The following RARA variants were observed in gnomAD, a reference collection of about 807,000 sequenced individuals.
RARA encodes the protein retinoic acid receptor alpha.
A neutral mutation model predicts 42.8 loss-of-function variants in RARA; 5 were observed. The observed-to-expected ratio is 0.12, with a 90% confidence interval of 0.06 to 0.25. The LOEUF (loss-of-function observed/expected upper bound fraction) is 0.25. RARA is among the 10% of genes least tolerant of loss of function. RARA has a pLI of 1.00. For synonymous variants in RARA, 256 were observed against 259.5 expected (o/e 0.99, Z 0.13); for missense variants, 402 against 628.7 (o/e 0.64, Z 3.86).
At chr17:40,327,800 T>C (rs2033586354) in intron 1 of RARA, among the ~76,000 whole-genome samples, 1 of 152,178 alleles carries the variant, frequency 6.6e-6, no homozygotes, top group Admixed American at 6.5e-5. Flanking sequence ...CTGATGAGGT[T>C]CTGCCAGCCT....
chr17:40,312,145 A>G (rs1053391584), intron 1 of RARA, among the ~76,000 whole-genome samples: 8 of 152,196 alleles, frequency 5.3e-5, no homozygotes, highest in African/African-American at 1.4e-4. Flanking sequence ...TTCTGCCCTC[A>G]AAAGACCAGT....
At chr17:40,316,264 C>T (rs1250840347) in intron 1 of RARA, among the ~76,000 whole-genome samples, 1 of 152,220 alleles carries the variant, frequency 6.6e-6, no homozygotes, top group East Asian at 1.9e-4. Flanking sequence ...AATTTCTTCC[C>T]TCATCCACAC....
In RARA at chr17:40,357,022, G is replaced by A. The variant is rs1477391770; in HGVS notation, c.*796G>A. 5 of 387,450 alleles carry A rather than the reference G, an allele frequency of 1.3e-5. No homozygotes were observed. The highest frequency in any genetic ancestry group is 8.4e-5 in the African/African-American group (4 of 47,814). The allele number at this position is 387,450 out of a possible 1,614,324, so 24.0% of individuals were successfully genotyped here. On this transcript the variant is annotated 3_prime_UTR_variant, in exon 9 of 9. Transcript: ENST00000254066. The stretch of plus-strand genomic sequence containing the variant: ...TCCCCTCCCTCCCACTGGAGAAGCC[G>A]CCAGCCCCTTTCTCCCTCTGCCTGA...
At chr17:40,312,200 G>A (rs1383471090) in intron 1 of RARA, among the ~76,000 whole-genome samples, 1 of 152,204 alleles carries the variant, frequency 6.6e-6, no homozygotes. Context: ...AATGTGGTTG[G>A]CACTGATTTG....
chr17:40,319,949 G>A (rs2033329322), intron 1 of RARA, among the ~76,000 whole-genome samples: 1 of 152,198 alleles, frequency 6.6e-6, no homozygotes, highest in Non-Finnish European at 1.5e-5. Flanking sequence ...GTTTGTGGCT[G>A]TGAAAAATGG....
intron 2 of RARA, among the ~76,000 whole-genome samples, chr17:40,334,981 G>T (rs1322229126): frequency 6.6e-6 from 1 of 152,214 alleles, no homozygotes; most frequent in Admixed American, 6.5e-5. Context: ...ACTGGCCCCT[G>T]GGGCTTGGTC....
Position 40,342,294 on chromosome 17 carries a change from CT to C in RARA, c.179-6021del, listed in dbSNP as rs2034085893. 2.8e-6 allele frequency: 3 copies of C among 1,064,820 alleles called. No individual in the cohort carries two copies. In the South Asian group the frequency reaches 1.3e-4, roughly 47 times the overall value. 66.0% of individuals were successfully genotyped at this position (1,064,820 alleles called of 1,614,324 possible). ...CCCTGGAGAAGCCCCGGATCCCCGG[CT>C]GGGAGGAGGAAGTGCTCGTTGACCC... On this transcript the variant is annotated intron_variant, in intron 2 of 8. Transcript: ENST00000254066.
At chr17:40,340,742 T>C (rs923767799) in intron 2 of RARA, 13 of 398,776 alleles carry the variant, frequency 3.3e-5, no homozygotes, top group Middle Eastern at 6.2e-4. Flanking sequence ...GATTATTTGC[T>C]TAATGGCTGT....
chr17:40,327,275 G>T (rs186129862), intron 1 of RARA, among the ~76,000 whole-genome samples: 56 of 152,322 alleles, frequency 3.7e-4, no homozygotes, highest in African/African-American at 1.3e-3. Context: ...ACCCCCAAAG[G>T]CTGGGTCAGG....
Position 40,355,241 on chromosome 17 carries a change from G to T in RARA, c.1013-22G>T, listed in dbSNP as rs2034580471. On this transcript the variant is annotated intron_variant, in intron 7 of 8. Coordinates refer to ENST00000254066, the MANE Select transcript of RARA (RefSeq NM_000964.4). This position sits in a 1 kb window ranked among gnomAD's most constrained non-coding sequence, Gnocchi z 4.1. ...GTGCAGCTGTGTTCCCAGCTGCTCA[G>T]GGGGTGGTTCTGCTTCCTCAGACCG... The T allele has an allele frequency of 1.3e-6, 2 of 1,551,182 alleles. No individual in the cohort carries two copies. Among genetic ancestry groups the T allele is most frequent in the Non-Finnish European group, 8.7e-7 (1 of 1,146,298 alleles).
rs558626078 is a variant in RARA, at chr17:40,352,106, C to T, written c.630+36C>T. The T allele has an allele frequency of 1.3e-6, 2 of 1,516,506 alleles. No homozygotes were observed. Among genetic ancestry groups the T allele is most frequent in the East Asian group, 2.4e-5 (1 of 41,704 alleles). 93.9% of individuals were successfully genotyped at this position (1,516,506 alleles called of 1,614,324 possible). On this transcript the variant is annotated intron_variant, in intron 5 of 8. Coordinates refer to ENST00000254066, the MANE Select transcript of RARA (RefSeq NM_000964.4). This position sits in a 1 kb window ranked among gnomAD's most constrained non-coding sequence, Gnocchi z 4.9. Reference sequence around the variant, plus strand: ...CCCCCGGCCTGCAGGGTGGGATTTGCCCAGGGCCACAGGGCCAGGATGGGC... The same window carrying T: ...CCCCCGGCCTGCAGGGTGGGATTTGTCCAGGGCCACAGGGCCAGGATGGGC...
chr17:40,342,172 C>T lies in RARA; in HGVS notation c.179-6144C>T, dbSNP rs1037984775. 31 of 1,050,854 alleles carry T rather than the reference C, an allele frequency of 2.9e-5. No homozygotes were observed. In the South Asian group the frequency reaches 5.8e-4, roughly 20 times the overall value. The allele number at this position is 1,050,854 out of a possible 1,614,324, so 65.1% of individuals were successfully genotyped here. A position where few individuals can be genotyped will look rare whatever the true frequency, so the allele number is the denominator to read the frequency against. On this transcript the variant is annotated intron_variant, in intron 2 of 8. Coordinates refer to ENST00000254066, the MANE Select transcript of RARA (RefSeq NM_000964.4). ...GGGGTGGGGGGGCCGTGGCGCGTACCACCAGAGACCGAGCGAGTCGCCAGC... is the reference window on the plus strand; with the variant it reads ...GGGGTGGGGGGGCCGTGGCGCGTACTACCAGAGACCGAGCGAGTCGCCAGC...
Position 40,312,961 on chromosome 17 carries a change from C to T in RARA, c.-363+3675C>T, listed in dbSNP as rs183194147. Among the ~76,000 whole-genome samples the T allele has an allele frequency of 2.6e-5, 4 of 152,360 alleles. No individual in the cohort carries two copies. In the East Asian group the frequency reaches 7.7e-4, roughly 29 times the overall value. Reference sequence around the variant, plus strand: ...AGCAAGGAGGACCACGAGCCAGGCACACCTGGTCCATTTTCCCATCTGCTT... The same window carrying T: ...AGCAAGGAGGACCACGAGCCAGGCATACCTGGTCCATTTTCCCATCTGCTT... On this transcript the variant is annotated intron_variant, in intron 1 of 8. Transcript: ENST00000254066.
rs553611321 is a variant in RARA, at chr17:40,351,857, C to T, written c.470-53C>T. ...AGCTCTCTGTCAGGCTGGGGGTGGA[C>T]GAGGCCCTGAGCAGCCTGCAGCTGC... On this transcript the variant is annotated intron_variant, in intron 4 of 8. Transcript: ENST00000254066. The surrounding 1 kb of genome is among the most constrained non-coding windows in gnomAD (Gnocchi z 4.1). The T allele has an allele frequency of 6.1e-4, 955 of 1,574,838 alleles. 1 individual carries two copies. Among genetic ancestry groups the T allele is most frequent in the Non-Finnish European group, 7.4e-4 (870 of 1,168,406 alleles).
intron 2 of RARA, chr17:40,341,128 T>G (rs1442664642): frequency 2.4e-6 from 1 of 416,222 alleles, no homozygotes; most frequent in Admixed American, 4.4e-5. Context: ...CTACCCAAGC[T>G]AGGCCTTTCT....
At chr17:40,342,432 T>C (rs1165720456) in intron 2 of RARA, 3 of 1,188,608 alleles carry the variant, frequency 2.5e-6, no homozygotes, top group Non-Finnish European at 3.1e-6. Flanking sequence ...AGCCGCTGAG[T>C]TCCCGGGCCC....
chr17:40,356,425 C>T lies in RARA; in HGVS notation c.*199C>T. The T allele has an allele frequency of 1.4e-6, 1 of 735,372 alleles. No homozygotes were observed. Among genetic ancestry groups the T allele is most frequent in the Non-Finnish European group, 2.4e-6 (1 of 416,866 alleles). 45.6% of individuals were successfully genotyped at this position (735,372 alleles called of 1,614,324 possible). ...GGGCCCTCAGTGGACTGCCTGCTCC[C>T]ACAGCCTGGGCTGACGTCAGAGGCC... On this transcript the variant is annotated 3_prime_UTR_variant, in exon 9 of 9. Transcript: ENST00000254066.
chr17:40,339,349 C>T (rs890345218), intron 2 of RARA, among the ~76,000 whole-genome samples: 7 of 152,208 alleles, frequency 4.6e-5, no homozygotes, highest in Admixed American at 3.3e-4. Flanking sequence ...GCTTACTAAA[C>T]GCAAAGCCCT....
At chr17:40,316,786 T>C (rs1458253108) in intron 1 of RARA, among the ~76,000 whole-genome samples, 1 of 151,894 alleles carries the variant, frequency 6.6e-6, no homozygotes, top group African/African-American at 2.4e-5. Flanking sequence ...TGAGCGCATG[T>C]TTGCGGATGA....
Sources: allele counts gnomAD v4.1 joint callset (sites outside exome capture counted in the v4.1 genomes callset), GRCh38; gene constraint gnomAD v4.1.1; non-coding constraint Gnocchi (gnomAD v3.1); transcripts MANE v1.5; gene names NCBI Gene and HGNC (gene_info 2026-07-23, HGNC 2026-07-21).